Variants in ANK2 observed in about 807,000 individuals in gnomAD.
ANK2 encodes ankyrin-2.
In ANK2, 83 loss-of-function variants were observed where a neutral mutation model predicts 360.5. The ratio of observed to expected loss-of-function variants is 0.23; its 90% CI spans 0.19 to 0.28. The LOEUF (loss-of-function observed/expected upper bound fraction) is 0.28. ANK2 is among the 10% of genes least tolerant of loss of function. The pLI is 1.00. For missense variants in ANK2, 4,201 were observed against 4,795.7 expected, an observed-to-expected ratio of 0.88 and a Z score of 3.66; for synonymous variants, 1,740 against 1,759.5, an observed-to-expected ratio of 0.99 and a Z score of 0.28.
intron 1 of ANK2, among the ~76,000 whole-genome samples, 164 bp downstream of exon 1, chr4:113,049,976 C>T (rs768146603): frequency 2.0e-5 from 3 of 152,118 alleles, no homozygotes; most frequent in African/African-American, 2.4e-5. Flanking sequence ...CAAACTGCTG[C>T]TTTTTGAGAA....
intron 1 of ANK2, among the ~76,000 whole-genome samples, chr4:113,080,731 G>A (rs2135354): frequency 0.41 from 62,398 of 151,952 alleles, 14,056 homozygotes; most frequent in African/African-American, 0.61. Context: ...CTGTTGTTTC[G>A]TGGATGAGCA....
chr4:113,168,464 C>T lies in ANK2; in HGVS notation c.85-5952C>T, dbSNP rs188630670. The stretch of plus-strand genomic sequence containing the variant: ...CAAAGGCCATTGGATTAAGAACACT[C>T]TTTTGAGAAGTTGCATTTACTCTCT... On this transcript the variant is annotated intron_variant, in intron 1 of 45. Transcript: ENST00000357077. 1.1e-4 allele frequency among the ~76,000 whole-genome samples: 16 copies of T among 152,336 alleles called. No homozygotes were observed. The East Asian group carries it at 2.7e-3, about 26-fold the overall frequency.
chr4:112,953,638 T>A (rs2095168487), intron 2 of ANK2, among the ~76,000 whole-genome samples: 1 of 152,226 alleles, frequency 6.6e-6, no homozygotes, highest in Admixed American at 6.5e-5. Flanking sequence ...GTTATTAATT[T>A]CCATTTAAGG....
At chr4:113,085,561 C>T (rs1161944334) in intron 1 of ANK2, among the ~76,000 whole-genome samples, 1 of 152,098 alleles carries the variant, frequency 6.6e-6, no homozygotes, top group Non-Finnish European at 1.5e-5. Context: ...CCTGCCTCGG[C>T]CTCCCAAAGT....
At chr4:113,363,305 A>C (rs912694976) in intron 39 of ANK2, 33 bp from the exon 40 acceptor site, 1 of 1,607,404 alleles carries the variant, frequency 6.2e-7, no homozygotes, top group Non-Finnish European at 8.5e-7. Flanking sequence ...CCTTGAAGTT[A>C]ATGTGTTTAC....
At chr4:112,726,719 T>C in the ANK2 span, among the ~76,000 whole-genome samples, 9 of 151,544 alleles carry the variant, frequency 5.9e-5, no homozygotes, top group South Asian at 6.3e-4. Flanking sequence ...GGTGTAGTGG[T>C]GGGTGCCTGT....
chr4:112,818,961 C>G (rs2056175955), intron 1 of ANK2, among the ~76,000 whole-genome samples: 1 of 152,092 alleles, frequency 6.6e-6, no homozygotes, highest in African/African-American at 2.4e-5. Context: ...GTAACAGATA[C>G]AGATTTCTGA....
chr4:113,237,463 G>T, intron 6 of ANK2, 136 bp from the exon 7 acceptor site: 2 of 887,160 alleles, frequency 2.3e-6, no homozygotes, highest in South Asian at 2.7e-5. Context: ...TGTGGTGCTT[G>T]GGGATGTCTT....
chr4:113,325,795 G>A (rs911463770), intron 26 of ANK2, among the ~76,000 whole-genome samples: 7 of 152,236 alleles, frequency 4.6e-5, no homozygotes, highest in South Asian at 2.1e-4. Flanking sequence ...ATTGAATTCC[G>A]TATGCTTTAC....
the ANK2 span, among the ~76,000 whole-genome samples, chr4:112,710,851 A>G: frequency 1.3e-5 from 2 of 150,948 alleles, no homozygotes; most frequent in South Asian, 4.2e-4. Flanking sequence ...TGGTCCTGAG[A>G]AAAATATTTC....
intron 1 of ANK2, among the ~76,000 whole-genome samples, chr4:113,123,405 T>C (rs1300827049): frequency 6.6e-6 from 1 of 152,198 alleles, no homozygotes; most frequent in Admixed American, 6.5e-5. Context: ...CCATATTTAA[T>C]GATCTACTTG....
At chr4:112,933,965 G>C (rs1465804242) in intron 2 of ANK2, among the ~76,000 whole-genome samples, 1 of 151,920 alleles carries the variant, frequency 6.6e-6, no homozygotes, top group Non-Finnish European at 1.5e-5. Context: ...GATTGACTAA[G>C]AGGGTGACCA....
intron 1 of ANK2, among the ~76,000 whole-genome samples, chr4:113,082,061 G>A (rs1444323571): frequency 1.3e-5 from 2 of 152,122 alleles, no homozygotes; most frequent in East Asian, 1.9e-4. Context: ...CGCCCGTCTC[G>A]GCCTCCCAGA....
intron 2 of ANK2, among the ~76,000 whole-genome samples, chr4:112,931,655 C>T (rs967967751): frequency 6.6e-6 from 1 of 151,390 alleles, no homozygotes; most frequent in Non-Finnish European, 1.5e-5. Context: ...GCCAGGCTGG[C>T]GTTTCAAAGA....
chr4:112,852,877 A>G (rs2149992415), intron 1 of ANK2, among the ~76,000 whole-genome samples: 1 of 152,330 alleles, frequency 6.6e-6, no homozygotes, highest in Admixed American at 6.5e-5. Flanking sequence ...ATCGTCGTCT[A>G]GGCTCATTGA....
chr4:112,821,538 C>T (rs1488403853), intron 1 of ANK2, among the ~76,000 whole-genome samples: 4 of 144,968 alleles, frequency 2.8e-5, no homozygotes, highest in African/African-American at 5.1e-5. Context: ...GGGTCTCAGT[C>T]TGTCACCCAG....
rs534342007 is a variant in ANK2 at position 113,317,121 on chromosome 4, C to T, written c.2694-586C>T. On this transcript the variant is annotated intron_variant, in intron 24 of 45. Coordinates refer to ENST00000357077, the MANE Select transcript of ANK2 (RefSeq NM_001148.6). ...AGACAAACAAGAGGAACTCCACTTC[C>T]GCAGGAAGCATGCATCTGGCCACAG... Among the ~76,000 whole-genome samples, 19 of 152,254 alleles carry T rather than the reference C, an allele frequency of 1.2e-4. No homozygotes were observed. The East Asian group carries it at 2.7e-3, about 22-fold the overall frequency.
intron 4 of ANK2, among the ~76,000 whole-genome samples, chr4:113,200,470 T>C (rs1410453804): frequency 2.0e-5 from 3 of 152,210 alleles, no homozygotes; most frequent in Non-Finnish European, 4.4e-5. Context: ...CAACCTTCAG[T>C]CCCTTCTCCC....
At chr4:113,023,998 C>G (rs1294371312) in intron 2 of ANK2, among the ~76,000 whole-genome samples, 1 of 152,078 alleles carries the variant, frequency 6.6e-6, no homozygotes, top group Non-Finnish European at 1.5e-5. Context: ...AGATAAAGTC[C>G]CTTTCTTCCT....
Sources: allele counts gnomAD v4.1 joint callset (sites outside exome capture counted in the v4.1 genomes callset), GRCh38; gene constraint gnomAD v4.1.1; transcripts MANE v1.5; gene names NCBI Gene and HGNC (gene_info 2026-07-23, HGNC 2026-07-21).